CAST: variants seen among roughly 807,000 people sequenced by gnomAD.
CAST encodes the protein calpastatin.
CAST carries 76 observed loss-of-function variants against 119.6 expected under a neutral mutation model. The ratio of observed to expected loss-of-function variants is 0.64; its 90% CI spans 0.53 to 0.77. The LOEUF (loss-of-function observed/expected upper bound fraction) is 0.77. CAST is among the 30% of genes least tolerant of loss of function. The pLI is 0.00. For missense variants in CAST, 953 were observed against 946.5 expected, an observed-to-expected ratio of 1.01 and a Z score of -0.09; for synonymous variants, 319 against 331.6, an observed-to-expected ratio of 0.96 and a Z score of 0.41.
chr5:95,983,231 G>A, the CAST span, among the ~76,000 whole-genome samples: 1 of 152,236 alleles, frequency 6.6e-6, no homozygotes, highest in African/African-American at 2.4e-5. Context: ...GAGAGAGGGT[G>A]AGAGGGGGTA....
chr5:95,997,614 T>C, the CAST span, among the ~76,000 whole-genome samples: 1 of 152,178 alleles, frequency 6.6e-6, no homozygotes, highest in East Asian at 1.9e-4. Flanking sequence ...TCAGAATAGA[T>C]GTGTCTACCC....
chr5:96,338,681 G>A, the CAST span, among the ~76,000 whole-genome samples: 2,913 of 152,228 alleles, frequency 0.019, 93 homozygotes, highest in African/African-American at 0.066. Flanking sequence ...TTCTGGAAGC[G>A]AACCCCTGGG....
the CAST span, among the ~76,000 whole-genome samples, chr5:96,050,684 G>A: frequency 6.6e-6 from 1 of 152,184 alleles, no homozygotes; most frequent in Non-Finnish European, 1.5e-5. Flanking sequence ...GCTTAGACAG[G>A]AGTTGAATGC....
chr5:96,428,741 T>A, the CAST span, among the ~76,000 whole-genome samples: 2 of 152,190 alleles, frequency 1.3e-5, no homozygotes, highest in Non-Finnish European at 2.9e-5. Context: ...ATAGACTTTT[T>A]TTTCAGTTAT....
chr5:96,735,700 A>G (rs939207004), intron 9 of CAST, among the ~76,000 whole-genome samples: 4 of 152,230 alleles, frequency 2.6e-5, no homozygotes, highest in Non-Finnish European at 4.4e-5. Flanking sequence ...TGATAGAGCA[A>G]TGGAAGCAAT....
the CAST span, among the ~76,000 whole-genome samples, chr5:96,321,339 TC>T: frequency 6.6e-6 from 1 of 152,182 alleles, no homozygotes; most frequent in African/African-American, 2.4e-5. Context: ...TTGACTGGTG[TC>T]TCCTGCCTGA....
chr5:96,461,658 G>A, the CAST span, among the ~76,000 whole-genome samples: 860 of 152,090 alleles, frequency 5.7e-3, 9 homozygotes, highest in Non-Finnish European at 7.9e-3. Flanking sequence ...CATCTGATCC[G>A]TGTTATTTGA....
chr5:96,593,321 G>A (rs1389673558), intron 1 of CAST, among the ~76,000 whole-genome samples: 3 of 152,150 alleles, frequency 2.0e-5, no homozygotes, highest in Admixed American at 6.5e-5. Flanking sequence ...TCCATCTTGT[G>A]ACGTGTTCTC....
At chr5:96,351,803 ATTTTG>A in the CAST span, among the ~76,000 whole-genome samples, 2 of 152,114 alleles carry the variant, frequency 1.3e-5, no homozygotes, top group Non-Finnish European at 2.9e-5. Context: ...ATGATCAAAT[ATTTTG>A]TTTTAAGTGC....
chr5:96,082,040 A>G, the CAST span, among the ~76,000 whole-genome samples: 1 of 152,064 alleles, frequency 6.6e-6, no homozygotes, highest in South Asian at 2.1e-4. Context: ...CAGCCTCCCA[A>G]GTAGCTGGAA....
At chr5:96,619,943 A>G (rs142617408) in intron 1 of CAST, among the ~76,000 whole-genome samples, 203 of 152,340 alleles carry the variant, frequency 1.3e-3, no homozygotes, top group African/African-American at 4.7e-3. Context: ...AAGAGGTTAA[A>G]TCTCTCCAAG....
chr5:96,411,224 C>T, the CAST span, among the ~76,000 whole-genome samples: 3 of 152,212 alleles, frequency 2.0e-5, no homozygotes, highest in African/African-American at 4.8e-5. Flanking sequence ...GCTGAGCACA[C>T]GCTTTTCTTT....
At chr5:96,200,556 T>C in the CAST span, among the ~76,000 whole-genome samples, 20 of 152,204 alleles carry the variant, frequency 1.3e-4, no homozygotes, top group Admixed American at 1.2e-3. Context: ...AGATAATGAG[T>C]GTAATGGGAG....
chr5:96,247,635 G>A, the CAST span: 2 of 152,348 alleles, frequency 1.3e-5, no homozygotes, highest in East Asian at 3.9e-4. Context: ...ACTGGGTCCT[G>A]AGTTACAGCA....
chr5:96,219,211 G>A, the CAST span, among the ~76,000 whole-genome samples: 3 of 152,060 alleles, frequency 2.0e-5, no homozygotes, highest in South Asian at 6.2e-4. Flanking sequence ...TGTATTTCTT[G>A]AACTCATAGA....
the CAST span, among the ~76,000 whole-genome samples, chr5:96,183,160 A>AAAT: frequency 0.12 from 17,377 of 143,122 alleles, 1,196 homozygotes; most frequent in African/African-American, 0.2. Flanking sequence ...AAAATAAATA[A>AAAT]AATAATAATA....
intron 1 of CAST, among the ~76,000 whole-genome samples, chr5:96,636,793 C>G (rs572805488): frequency 6.6e-6 from 1 of 152,188 alleles, no homozygotes; most frequent in South Asian, 2.1e-4. Context: ...TCTGGGATTC[C>G]CTTACGACAT....
intron 11 of CAST, among the ~76,000 whole-genome samples, chr5:96,738,470 G>A (rs1335088351): frequency 6.6e-6 from 1 of 152,168 alleles, no homozygotes; most frequent in African/African-American, 2.4e-5. Context: ...AACATTTGTT[G>A]TTGTGCTAAG....
chr5:96,059,311 T>C, the CAST span, among the ~76,000 whole-genome samples: 7 of 152,100 alleles, frequency 4.6e-5, no homozygotes, highest in Non-Finnish European at 8.8e-5. Flanking sequence ...GCAACCACCC[T>C]AGTGAAAAGC....
Sources: allele counts gnomAD v4.1 joint callset (sites outside exome capture counted in the v4.1 genomes callset), GRCh38; gene constraint gnomAD v4.1.1; transcripts MANE v1.5; gene names NCBI Gene and HGNC (gene_info 2026-07-23, HGNC 2026-07-21).